The following CDKAL1 variants were observed in gnomAD, a reference collection of about 807,000 sequenced individuals.
CDKAL1 encodes threonylcarbamoyladenosine tRNA methylthiotransferase.
CDKAL1 carries 32 observed loss-of-function variants against 68.2 expected under a neutral mutation model. The ratio of observed to expected loss-of-function variants is 0.47; its 90% CI spans 0.35 to 0.63. CDKAL1 has a LOEUF of 0.63. CDKAL1 is among the 30% of genes least tolerant of loss of function. The pLI is 0.00. For synonymous variants in CDKAL1, 234 were observed against 244.3 expected (o/e 0.96, Z 0.39); for missense variants, 606 against 696.7 (o/e 0.87, Z 1.47).
rs1763305531 is a variant in CDKAL1, at chr6:20,539,487, G to T, written c.-6+4093G>T. ...CAGGAAAGGGGCATAGGAAGAGGGTGTGTGGTGAGGTGGGGGTGTTGGTTG... is the reference window on the plus strand; with the variant it reads ...CAGGAAAGGGGCATAGGAAGAGGGTTTGTGGTGAGGTGGGGGTGTTGGTTG... On this transcript the variant is annotated intron_variant, in intron 2 of 15. Transcript: ENST00000274695. This position sits in a 1 kb window ranked among gnomAD's most constrained non-coding sequence, Gnocchi z 4.3. Among the ~76,000 whole-genome samples the T allele has an allele frequency of 6.6e-6, 1 of 152,206 alleles. No individual in the cohort carries two copies. Among genetic ancestry groups the T allele is most frequent in the Admixed American group, 6.5e-5 (1 of 15,278 alleles).
At chr6:20,565,141 A>G (rs1187492868) in intron 4 of CDKAL1, among the ~76,000 whole-genome samples, 1 of 151,230 alleles carries the variant, frequency 6.6e-6, no homozygotes, top group East Asian at 1.9e-4. Context: ...AAAGCTATCT[A>G]TATATATATA....
At chr6:20,627,796 G>T (rs951416660) in intron 4 of CDKAL1, among the ~76,000 whole-genome samples, 2 of 152,100 alleles carry the variant, frequency 1.3e-5, no homozygotes, top group African/African-American at 2.4e-5. Flanking sequence ...TGTAGATCCT[G>T]TGTATGTTTT....
At chr6:21,023,259 T>G (rs566534228) in intron 11 of CDKAL1, among the ~76,000 whole-genome samples, 42 of 152,202 alleles carry the variant, frequency 2.8e-4, no homozygotes, top group African/African-American at 1.0e-3. Flanking sequence ...TACTCCGAGG[T>G]GATTTAAAGT....
chr6:20,923,092 T>C (rs1366499548), intron 9 of CDKAL1, among the ~76,000 whole-genome samples: 2 of 152,096 alleles, frequency 1.3e-5, no homozygotes, highest in Non-Finnish European at 2.9e-5. Context: ...TCTCTCTCTT[T>C]TTTTCTTTGG....
intron 15 of CDKAL1, among the ~76,000 whole-genome samples, chr6:21,205,830 C>CTTTTTTTTTT (rs34849597): frequency 6.0e-5 from 4 of 66,610 alleles, no homozygotes; most frequent in African/African-American, 3.5e-4. Flanking sequence ...CGCGCCCAGC[C>CTTTTTTTTTT]TTTTTTTTTT....
chr6:21,105,521 A>G (rs949584958), intron 12 of CDKAL1, among the ~76,000 whole-genome samples: 1 of 152,232 alleles, frequency 6.6e-6, no homozygotes, highest in Non-Finnish European at 1.5e-5. Flanking sequence ...GAGTGTGTAC[A>G]AATGATTTTA....
intron 15 of CDKAL1, among the ~76,000 whole-genome samples, chr6:21,222,157 G>T (rs1026914685): frequency 1.3e-5 from 2 of 152,158 alleles, no homozygotes; most frequent in Non-Finnish European, 2.9e-5. Context: ...ACCAAAATAA[G>T]ATAAAAACCC....
chr6:20,960,492 C>G (rs12205321), intron 10 of CDKAL1, among the ~76,000 whole-genome samples: 14,297 of 152,240 alleles, frequency 0.094, 715 homozygotes, highest in South Asian at 0.13. Context: ...GTCTCTGTCT[C>G]TTTGGGCACT....
intron 9 of CDKAL1, among the ~76,000 whole-genome samples, chr6:20,895,669 C>T (rs563130072): frequency 1.3e-5 from 2 of 152,274 alleles, no homozygotes; most frequent in South Asian, 4.2e-4. Context: ...CTAACATCAA[C>T]AGTCGTGAGA....
intron 13 of CDKAL1, among the ~76,000 whole-genome samples, chr6:21,188,734 G>A (rs755935174): frequency 6.6e-6 from 1 of 152,084 alleles, no homozygotes; most frequent in Non-Finnish European, 1.5e-5. Flanking sequence ...GATGTACTTT[G>A]TGCCGGCTCT....
chr6:21,216,614 G>A (rs1779347418), intron 15 of CDKAL1, among the ~76,000 whole-genome samples: 1 of 152,168 alleles, frequency 6.6e-6, no homozygotes. Context: ...AAGGAAACGT[G>A]CTAATGGAGA....
chr6:20,634,996 AAAGAAG>A (rs1767839690), intron 4 of CDKAL1, among the ~76,000 whole-genome samples: 1 of 151,424 alleles, frequency 6.6e-6, no homozygotes, highest in South Asian at 2.1e-4. Flanking sequence ...AAAAAAAAAA[AAAGAAG>A]AAAGAAAAAA....
chr6:21,138,600 G>C (rs757144181), intron 13 of CDKAL1, among the ~76,000 whole-genome samples: 8 of 152,142 alleles, frequency 5.3e-5, no homozygotes, highest in Non-Finnish European at 7.4e-5. Flanking sequence ...CTGATTCATA[G>C]TCAGTACTCA....
chr6:20,671,632 G>A (rs1769819623), intron 5 of CDKAL1, among the ~76,000 whole-genome samples: 1 of 152,158 alleles, frequency 6.6e-6, no homozygotes, highest in East Asian at 1.9e-4. Flanking sequence ...TATCTACGGT[G>A]TGAAGTATGA....
chr6:21,107,343 G>A (rs1773900411), intron 12 of CDKAL1, among the ~76,000 whole-genome samples: 1 of 152,116 alleles, frequency 6.6e-6, no homozygotes, highest in African/African-American at 2.4e-5. Context: ...GATGGAGAGG[G>A]GACTCATGTA....
chr6:20,618,278 A>C (rs575636995), intron 4 of CDKAL1, among the ~76,000 whole-genome samples: 3 of 151,968 alleles, frequency 2.0e-5, no homozygotes, highest in African/African-American at 7.2e-5. Flanking sequence ...TTTTCTTGTA[A>C]ATTTGTTTAA....
intron 4 of CDKAL1, among the ~76,000 whole-genome samples, chr6:20,594,832 C>T (rs1765750021): frequency 6.6e-6 from 1 of 152,096 alleles, no homozygotes; most frequent in African/African-American, 2.4e-5. Flanking sequence ...TTTTCCATTC[C>T]ATATTTAGTG....
chr6:20,736,628 C>T (rs1210512230), intron 5 of CDKAL1, among the ~76,000 whole-genome samples: 1 of 151,926 alleles, frequency 6.6e-6, no homozygotes, highest in Non-Finnish European at 1.5e-5. Flanking sequence ...AAAAATTAGC[C>T]GGGCCTGGTG....
chr6:20,852,824 G>C (rs1157011058), intron 9 of CDKAL1, among the ~76,000 whole-genome samples: 1 of 152,170 alleles, frequency 6.6e-6, no homozygotes, highest in African/African-American at 2.4e-5. Context: ...AGTAGAAGTG[G>C]GGCCCTGTTT....
Sources: gnomAD v4.1 joint callset for allele counts (sites outside exome capture counted in the v4.1 genomes callset) on GRCh38, gnomAD v4.1.1 for gene constraint, Gnocchi (gnomAD v3.1) non-coding constraint, MANE v1.5 for transcripts, NCBI Gene and HGNC (gene_info 2026-07-23, HGNC 2026-07-21) for gene names.